Variants in EPB41L4B observed in about 807,000 individuals in gnomAD.
EPB41L4B encodes erythrocyte membrane protein band 4.1 like 4B.
A neutral mutation model predicts 112.5 loss-of-function variants in EPB41L4B; 30 were observed. That is an observed-to-expected ratio of 0.27 (90% confidence interval 0.20 to 0.36). The LOEUF (loss-of-function observed/expected upper bound fraction) is 0.36. Ranked by LOEUF, EPB41L4B falls within the 10% of genes least tolerant of loss-of-function variation. The pLI is 1.00. For synonymous variants in EPB41L4B, 408 were observed against 439.7 expected (o/e 0.93, Z 0.90); for missense variants, 1,024 against 1,133.3 (o/e 0.90, Z 1.38).
chr9:109,236,701 T>C (rs1021713550), intron 15 of EPB41L4B, among the ~76,000 whole-genome samples: 3 of 152,240 alleles, frequency 2.0e-5, no homozygotes, highest in African/African-American at 4.8e-5. Flanking sequence ...GGATTTCTTT[T>C]GCTAAGGCTT....
At chr9:109,195,291 CAG>C (rs1832602022) in intron 20 of EPB41L4B, among the ~76,000 whole-genome samples, 1 of 152,100 alleles carries the variant, frequency 6.6e-6, no homozygotes, top group Non-Finnish European at 1.5e-5. Flanking sequence ...GCAGCCTGTG[CAG>C]ATCACTGGTA....
At chr9:109,189,611 T>C (rs1036691234) in intron 22 of EPB41L4B, among the ~76,000 whole-genome samples, 1 of 152,158 alleles carries the variant, frequency 6.6e-6, no homozygotes, top group African/African-American at 2.4e-5. Context: ...AGGCTTATGC[T>C]AGTTCTTTTT....
At chr9:109,284,281 G>A (rs1446271552) in intron 1 of EPB41L4B, among the ~76,000 whole-genome samples, 2 of 152,176 alleles carry the variant, frequency 1.3e-5, no homozygotes, top group African/African-American at 4.8e-5. Flanking sequence ...GGTACCCAAA[G>A]TACGGTTTTC....
intron 1 of EPB41L4B, among the ~76,000 whole-genome samples, chr9:109,299,582 G>A (rs951454044): frequency 6.6e-5 from 10 of 151,938 alleles, no homozygotes; most frequent in Admixed American, 6.5e-4. Flanking sequence ...GCCATGATGT[G>A]CAGCAAGTTT....
Position 109,320,267 on chromosome 9 carries a change from C to T in EPB41L4B, c.180G>A (p.Pro60=). The part of the protein sequence containing the change: ...LPAAPGGSVF[P]AGGGPLLTGG... ...CGGTGAGCAGGGGCCCGCCGCCCGC[C>T]GGGAACACGCTGCCCCCGGGCGCGG... Residue 60 remains proline, a synonymous_variant, in exon 1 of 26, where the codon CCG becomes CCA. Coordinates refer to ENST00000374566, the MANE Select transcript of EPB41L4B (RefSeq NM_019114.5). 1 of 1,195,234 alleles carries T rather than the reference C, an allele frequency of 8.4e-7. No homozygotes were observed. The highest frequency in any genetic ancestry group is 1.0e-6 in the Non-Finnish European group (1 of 959,934). 74.0% of individuals were successfully genotyped at this position (1,195,234 alleles called of 1,614,324 possible).
intron 21 of EPB41L4B, among the ~76,000 whole-genome samples, chr9:109,192,933 G>C (rs1327107847): frequency 6.6e-6 from 1 of 152,186 alleles, no homozygotes; most frequent in African/African-American, 2.4e-5. Flanking sequence ...GGCCAGGAGA[G>C]GGAGCCCTGT....
At chr9:109,239,173 A>G (rs2118946055) in intron 15 of EPB41L4B, among the ~76,000 whole-genome samples, 1 of 152,322 alleles carries the variant, frequency 6.6e-6, no homozygotes, top group Non-Finnish European at 1.5e-5. Context: ...TGCCAGTAAG[A>G]AGAGAGAAGA....
At chr9:109,190,291 T>A (rs112285422) in intron 22 of EPB41L4B, among the ~76,000 whole-genome samples, 2 of 152,260 alleles carry the variant, frequency 1.3e-5, no homozygotes, top group African/African-American at 4.8e-5. Context: ...GAAAAAGTAT[T>A]CACCAAGGAG....
chr9:109,202,949 G>A (rs1442696707), intron 19 of EPB41L4B, among the ~76,000 whole-genome samples: 1 of 152,134 alleles, frequency 6.6e-6, no homozygotes, highest in Non-Finnish European at 1.5e-5. Context: ...TAAGTCAGGA[G>A]TTCAAGACCA....
chr9:109,320,257 C>T lies in EPB41L4B; in HGVS notation c.190G>A (p.Gly64Arg). 8.2e-7 allele frequency: 1 copy of T among 1,215,494 alleles called. No homozygotes were observed. The highest frequency in any genetic ancestry group is 3.9e-5 in the South Asian group (1 of 25,628). The allele number at this position is 1,215,494 out of a possible 1,614,324, so 75.3% of individuals were successfully genotyped here. Reference protein sequence around the residue: ...PGGSVFPAGGGPLLTGGAAVH... With the variant: ...PGGSVFPAGGRPLLTGGAAVH... ...GCCGCGCCGCCGGTGAGCAGGGGCC[C>T]GCCGCCCGCCGGGAACACGCTGCCC... Residue 64 changes from glycine (G) to arginine (R), a missense_variant, in exon 1 of 26, where the codon GGG becomes AGG. Gly to Arg is a moderately radical substitution (Grantham distance 125). Transcript: ENST00000374566.
chr9:109,227,456 A>T (rs887202392), intron 15 of EPB41L4B, among the ~76,000 whole-genome samples: 1 of 152,214 alleles, frequency 6.6e-6, no homozygotes, highest in African/African-American at 2.4e-5. Context: ...ATTTACTCAG[A>T]TCTTTTAAAA....
chr9:109,180,568 G>A (rs1832018583), intron 24 of EPB41L4B, among the ~76,000 whole-genome samples: 1 of 152,074 alleles, frequency 6.6e-6, no homozygotes, highest in South Asian at 2.1e-4. Context: ...CTAGGAACCT[G>A]TTTTTCCCTC....
intron 5 of EPB41L4B, among the ~76,000 whole-genome samples, chr9:109,264,081 C>T (rs921928332): frequency 6.6e-6 from 1 of 151,962 alleles, no homozygotes; most frequent in Non-Finnish European, 1.5e-5. Context: ...AAAAAAAGTA[C>T]ACACACTCAT....
intron 1 of EPB41L4B, among the ~76,000 whole-genome samples, chr9:109,305,510 C>T (rs928487018): frequency 6.6e-6 from 1 of 151,712 alleles, no homozygotes; most frequent in African/African-American, 2.4e-5. Flanking sequence ...CCCAACTACT[C>T]GGGAGGCTGA....
At chr9:109,279,183 A>AGTTT (rs1336584180) in intron 2 of EPB41L4B, among the ~76,000 whole-genome samples, 1 of 149,400 alleles carries the variant, frequency 6.7e-6, no homozygotes, top group Non-Finnish European at 1.5e-5. Flanking sequence ...CCATTAGAAG[A>AGTTT]GTTTCTTTCT....
chr9:109,211,975 C>T (rs1186400834), intron 17 of EPB41L4B, among the ~76,000 whole-genome samples: 1 of 151,962 alleles, frequency 6.6e-6, no homozygotes, highest in African/African-American at 2.4e-5. Context: ...CCGCCTTAGC[C>T]TCCCAAAGTG....
intron 18 of EPB41L4B, among the ~76,000 whole-genome samples, chr9:109,204,808 T>C (rs907364727): frequency 1.3e-5 from 2 of 152,216 alleles, no homozygotes; most frequent in African/African-American, 2.4e-5. Flanking sequence ...AAGCCTTTTT[T>C]AGAGTTAGCA....
At chr9:109,297,275 C>T (rs1836769411) in intron 1 of EPB41L4B, among the ~76,000 whole-genome samples, 1 of 152,100 alleles carries the variant, frequency 6.6e-6, no homozygotes, top group African/African-American at 2.4e-5. Context: ...TCTTGGATTC[C>T]AGCCTCCAGA....
intron 14 of EPB41L4B, among the ~76,000 whole-genome samples, chr9:109,246,923 G>C (rs1174593026): frequency 6.6e-6 from 1 of 152,208 alleles, no homozygotes; most frequent in Non-Finnish European, 1.5e-5. Context: ...GTGTTAATGA[G>C]TTCACCACTA....
Sources: gnomAD v4.1 joint callset for allele counts (sites outside exome capture counted in the v4.1 genomes callset) on GRCh38, gnomAD v4.1.1 for gene constraint, MANE v1.5 for transcripts, NCBI Gene and HGNC (gene_info 2026-07-23, HGNC 2026-07-21) for gene names.